SIN3A: variants seen among roughly 807,000 people sequenced by gnomAD.
The protein encoded by SIN3A is SIN3 transcription regulator family member A, also known as paired amphipathic helix protein Sin3a.
A neutral mutation model predicts 146.1 loss-of-function variants in SIN3A; 14 were observed. The observed-to-expected ratio is 0.10, with a 90% CI of 0.06 to 0.15. The LOEUF is 0.15. Ranked by LOEUF, SIN3A falls within the 10% of genes least tolerant of loss-of-function variation. The pLI, the probability that SIN3A is intolerant of heterozygous loss-of-function variation, is 1.00. For synonymous variants in SIN3A, 572 were observed against 572.0 expected (o/e 1.00, Z 0.00); for missense variants, 1,028 against 1,576.0 (o/e 0.65, Z 5.89).
At chr15:75,378,369 A>AACATGT (rs2141376064) in intron 19 of SIN3A, among the ~76,000 whole-genome samples, 1 of 152,218 alleles carries the variant, frequency 6.6e-6, no homozygotes, top group East Asian at 1.9e-4. Context: ...GTTCAAGACC[A>AACATGT]GCCAGACCAA....
Position 75,392,533 on chromosome 15 carries a change from GCTT to G in SIN3A, c.2557_2559del (p.Lys853del). 6.2e-7 allele frequency: 1 copy of G among 1,614,036 alleles called. No homozygotes were observed. Among genetic ancestry groups the G allele is most frequent in the South Asian group, 1.1e-5 (1 of 91,084 alleles). On this transcript the variant is annotated inframe_deletion, in exon 15 of 21. Transcript: ENST00000394947. ...GGGGGACTGCCCCCAACACCATTGTGCTTCTTAACTGCCCCTGTGGCTTCATCT... is the reference window on the plus strand; with the variant it reads ...GGGGGACTGCCCCCAACACCATTGTGCTTAACTGCCCCTGTGGCTTCATCT...
rs992233542 is a variant in SIN3A at position 75,396,179 on chromosome 15, A to C, written c.2093+79T>G. 33 of 1,054,234 alleles carry C rather than the reference A, an allele frequency of 3.1e-5. No individual in the cohort carries two copies. In the African/African-American group the frequency reaches 5.1e-4, roughly 16 times the overall value. 65.3% of individuals were successfully genotyped at this position (1,054,234 alleles called of 1,614,324 possible). On this transcript the variant is annotated intron_variant, in intron 13 of 20. Coordinates refer to ENST00000394947, the MANE Select transcript of SIN3A (RefSeq NM_001145358.2). The stretch of plus-strand genomic sequence containing the variant: ...AGGTCTCATGGGACAACCAGGTTGA[A>C]AATGAGAGCCTTATTTAATGAGACA...
At chr15:75,374,897 G>A (rs567029381) in intron 20 of SIN3A, among the ~76,000 whole-genome samples, 2 of 152,256 alleles carry the variant, frequency 1.3e-5, no homozygotes, top group South Asian at 4.1e-4. Context: ...GCATATCATC[G>A]CATTACTTCA....
intron 19 of SIN3A, among the ~76,000 whole-genome samples, chr15:75,379,640 G>C (rs931574813): frequency 6.6e-6 from 1 of 152,150 alleles, no homozygotes; most frequent in Non-Finnish European, 1.5e-5. Flanking sequence ...CTTTTTGCTG[G>C]TATCTCTTTT....
At chr15:75,428,887 T>C (rs372303847) in intron 2 of SIN3A, among the ~76,000 whole-genome samples, 19 of 152,260 alleles carry the variant, frequency 1.2e-4, no homozygotes, top group African/African-American at 4.6e-4. Context: ...TTCTCCCTCC[T>C]CCTCAGCCTC....
In SIN3A at chr15:75,381,660, G is replaced by A. The variant is rs866361889; in HGVS notation, c.3241C>T (p.Leu1081Phe). Residue 1081 changes from leucine to phenylalanine, a missense_variant, in exon 18 of 21, where the codon CTT (leucine) becomes TTT (phenylalanine). Leu to Phe is a conservative substitution (Grantham distance 22). Around this residue, in one of 9 missense-constraint regions of SIN3A, gnomAD observed 488 missense variants for 690.2 expected, o/e 0.71. Transcript: ENST00000394947. ...GAATTCTCCTCTTCTGTGTCCAGAA[G>A]CTCAATAGTCAGCTGGACCTGGCCT... ...SQGQVQLTIE[L>F]LDTEEENSDD... is the part of the protein sequence containing the mutation. 6.2e-7 allele frequency: 1 copy of A among 1,614,000 alleles called. No individual in the cohort carries two copies. Among genetic ancestry groups the A allele is most frequent in the Non-Finnish European group, 8.5e-7 (1 of 1,179,938 alleles).
At chr15:75,415,885 A>T (rs987643086) in intron 3 of SIN3A, 1 of 227,830 alleles carries the variant, frequency 4.4e-6, no homozygotes, top group Non-Finnish European at 8.8e-6. Context: ...AGTCCCCTGC[A>T]AAGGAGAGAG....
At chr15:75,407,359 G>A (rs2073534388) in intron 8 of SIN3A, among the ~76,000 whole-genome samples, 1 of 152,078 alleles carries the variant, frequency 6.6e-6, no homozygotes, top group East Asian at 1.9e-4. Context: ...TACAACAGAG[G>A]TTCAAAGATC....
intron 9 of SIN3A, among the ~76,000 whole-genome samples, chr15:75,404,551 A>G (rs919169835): frequency 6.6e-6 from 1 of 152,178 alleles, no homozygotes; most frequent in Non-Finnish European, 1.5e-5. Flanking sequence ...ACCTGAGGTC[A>G]GGAGTTCGAG....
chr15:75,401,260 G>A (rs2073405827), intron 10 of SIN3A, among the ~76,000 whole-genome samples: 1 of 152,152 alleles, frequency 6.6e-6, no homozygotes, highest in Admixed American at 6.6e-5. Context: ...CGGTGTAGTG[G>A]CTCATGCCTG....
chr15:75,382,466 G>A (rs541683582), intron 17 of SIN3A, among the ~76,000 whole-genome samples: 47 of 152,284 alleles, frequency 3.1e-4, no homozygotes, highest in African/African-American at 1.0e-3. Context: ...AGTCCCCATA[G>A]TGGGTTGGAC....
chr15:75,415,760 G>A (rs1029282495), intron 3 of SIN3A: 2 of 162,226 alleles, frequency 1.2e-5, no homozygotes, highest in African/African-American at 2.4e-5. Context: ...CTGAGGCAGG[G>A]GAATCACTTG....
chr15:75,453,661 G>A (rs911993999), upstream of SIN3A: 1 of 152,340 alleles, frequency 6.6e-6, no homozygotes, highest in Non-Finnish European at 1.5e-5. Flanking sequence ...CCATGCCTAG[G>A]AAAGAACAGA....
At chr15:75,422,406 T>C in intron 3 of SIN3A, 1 of 606,438 alleles carries the variant, frequency 1.6e-6, no homozygotes, top group Non-Finnish European at 2.9e-6. Flanking sequence ...ACAATCCTGA[T>C]AACATTTGAC....
intron 4 of SIN3A, 117 bp from the exon 5 acceptor site, chr15:75,413,162 G>A (rs1200581475): frequency 3.1e-6 from 3 of 958,888 alleles, no homozygotes; most frequent in South Asian, 3.6e-5. Flanking sequence ...GCCCAGGCTG[G>A]ACTGCAATGG....
intron 9 of SIN3A, among the ~76,000 whole-genome samples, chr15:75,402,393 T>C (rs1435818377): frequency 6.6e-6 from 1 of 151,774 alleles, no homozygotes; most frequent in Non-Finnish European, 1.5e-5. Context: ...ACGCCTGTAA[T>C]TCCAGCTACT....
chr15:75,442,606 G>GCT, intron 1 of SIN3A, among the ~76,000 whole-genome samples: 1 of 125,312 alleles, frequency 8.0e-6, no homozygotes, highest in Non-Finnish European at 1.6e-5. Flanking sequence ...TAGTGAGATA[G>GCT]ATCCCATCTT....
intron 3 of SIN3A, chr15:75,415,959 G>A: frequency 3.0e-6 from 1 of 332,918 alleles, no homozygotes; most frequent in Admixed American, 3.3e-5. Flanking sequence ...AACCTTGCAG[G>A]AAATGGAGAT....
At chr15:75,404,311 A>C (rs146200809) in intron 9 of SIN3A, among the ~76,000 whole-genome samples, 1 of 152,266 alleles carries the variant, frequency 6.6e-6, no homozygotes, top group Non-Finnish European at 1.5e-5. Context: ...AAAAGTAGAC[A>C]GAAGTATAAC....
Sources: gnomAD v4.1 joint callset for allele counts (sites outside exome capture counted in the v4.1 genomes callset) on GRCh38, gnomAD v4.1.1 for gene constraint, gnomAD v4.1.1 regional missense constraint, MANE v1.5 for transcripts, NCBI Gene and HGNC (gene_info 2026-07-23, HGNC 2026-07-21) for gene names.